PLCB1: variants seen among roughly 807,000 people sequenced by gnomAD.
PLCB1 encodes the protein 1-phosphatidylinositol 4,5-bisphosphate phosphodiesterase beta-1.
Under a neutral mutation model 161.8 loss-of-function variants are expected in PLCB1, and 46 were observed. That is an observed-to-expected ratio of 0.28 (90% CI 0.22 to 0.36). The LOEUF is 0.36. Ranked by LOEUF, PLCB1 falls within the 10% of genes least tolerant of loss-of-function variation. The pLI is 1.00. For missense variants in PLCB1, 1,016 were observed against 1,472.5 expected (o/e 0.69, Z 5.07); for synonymous variants, 517 against 503.7 (o/e 1.03, Z -0.35).
intron 3 of PLCB1, among the ~76,000 whole-genome samples, chr20:8,505,697 A>G (rs1020733025): frequency 6.6e-6 from 1 of 152,238 alleles, no homozygotes; most frequent in African/African-American, 2.4e-5. Flanking sequence ...CTCTTCTCCA[A>G]CAGGCCATTA....
intron 3 of PLCB1, among the ~76,000 whole-genome samples, chr20:8,593,993 T>G (rs1478324389): frequency 6.6e-6 from 1 of 152,132 alleles, no homozygotes; most frequent in Admixed American, 6.5e-5. Flanking sequence ...CAAGTGATCC[T>G]CCACCCTCAG....
chr20:8,814,129 C>T (rs1466946362), intron 31 of PLCB1, among the ~76,000 whole-genome samples: 2 of 152,156 alleles, frequency 1.3e-5, no homozygotes, highest in African/African-American at 2.4e-5. Context: ...TTATCATGAT[C>T]ATTCGTATAT....
rs933601047 is a variant in PLCB1 at position 8,701,081 on chromosome 20, CAT to C, written c.1167+3300_1167+3301del. Among the ~76,000 whole-genome samples, 20 of 152,322 alleles carry C rather than the reference CAT, an allele frequency of 1.3e-4. No individual in the cohort carries two copies. In the East Asian group the frequency reaches 2.5e-3, roughly 19 times the overall value. ...AGTGAGTGTCTCTTTAAATTTTGCA[CAT>C]AGTCGCCTCTCTTGCCTCATCCTAG... On this transcript the variant is annotated intron_variant, in intron 11 of 31. Coordinates refer to ENST00000338037, the MANE Select transcript of PLCB1 (RefSeq NM_015192.4).
At chr20:8,596,652 G>A (rs1312137254) in intron 3 of PLCB1, among the ~76,000 whole-genome samples, 2 of 116,162 alleles carry the variant, frequency 1.7e-5, no homozygotes, top group African/African-American at 6.8e-5. Flanking sequence ...GTCATTGGTA[G>A]CTTTATGGGG....
At chr20:8,668,674 T>C (rs1019796922) in intron 9 of PLCB1, among the ~76,000 whole-genome samples, 4 of 152,140 alleles carry the variant, frequency 2.6e-5, no homozygotes, top group African/African-American at 9.7e-5. Flanking sequence ...ACCACAGCCA[T>C]TGTTGGAGGA....
intron 3 of PLCB1, among the ~76,000 whole-genome samples, chr20:8,470,024 C>T (rs1752125050): frequency 1.3e-5 from 2 of 152,172 alleles, no homozygotes; most frequent in African/African-American, 4.8e-5. Context: ...AATGGAATCA[C>T]AAAATATGTG....
At chr20:8,686,012 A>C (rs976389458) in intron 10 of PLCB1, among the ~76,000 whole-genome samples, 6 of 152,220 alleles carry the variant, frequency 3.9e-5, no homozygotes, top group African/African-American at 1.4e-4. Flanking sequence ...AAATATTTTT[A>C]TAAAATGTTA....
chr20:8,446,173 A>G (rs941919747), intron 3 of PLCB1, among the ~76,000 whole-genome samples: 2 of 152,330 alleles, frequency 1.3e-5, no homozygotes, highest in African/African-American at 4.8e-5. Flanking sequence ...AATGCTGGCA[A>G]ACCGAATCCA....
intron 2 of PLCB1, among the ~76,000 whole-genome samples, chr20:8,205,109 G>GA (rs1227443802): frequency 6.6e-6 from 1 of 151,898 alleles, no homozygotes; most frequent in Admixed American, 6.6e-5. Flanking sequence ...AAGACAGAGT[G>GA]AAAAAAACAT....
chr20:8,796,652 A>G (rs1984039884), intron 31 of PLCB1, among the ~76,000 whole-genome samples: 1 of 152,196 alleles, frequency 6.6e-6, no homozygotes, highest in Admixed American at 6.5e-5. Flanking sequence ...TTGTCAATAT[A>G]AAGAATTGCC....
At chr20:8,605,433 T>C (rs1270026337) in intron 3 of PLCB1, among the ~76,000 whole-genome samples, 1 of 152,096 alleles carries the variant, frequency 6.6e-6, no homozygotes, top group African/African-American at 2.4e-5. Context: ...CATTTTTCTT[T>C]AAAATATAAC....
chr20:8,629,825 C>CTTTTCTT (rs11087813), intron 4 of PLCB1, among the ~76,000 whole-genome samples: 1 of 71,770 alleles, frequency 1.4e-5, no homozygotes, highest in African/African-American at 5.6e-5. Flanking sequence ...TCTTTTCTTT[C>CTTTTCTT]TTTCTTTCTT....
chr20:8,733,391 A>G lies in PLCB1; in HGVS notation c.2042A>G (p.Lys681Arg), dbSNP rs776660417. Residue 681 changes from lysine (K) to arginine (R), a missense_variant and splice_region_variant, in exon 19 of 32, where the codon AAG becomes AGG. Around this residue, in one of 10 missense-constraint regions of PLCB1, gnomAD observed 67 missense variants for 195.6 expected, o/e 0.34. Transcript: ENST00000338037. Reference protein sequence around the residue: ...DGIVANTLSVKIISGQFLSDK... With the variant: ...DGIVANTLSVRIISGQFLSDK... The stretch of plus-strand genomic sequence containing the variant: ...ATAGTGGCAAACACTTTGTCTGTTA[A>G]GGTAGGTATACCCCATCACAAAATT... The G allele has an allele frequency of 3.1e-6, 5 of 1,613,544 alleles. No individual in the cohort carries two copies. In the South Asian group the frequency reaches 5.5e-5, roughly 18 times the overall value.
chr20:8,844,489 A>G (rs1986618682), intron 31 of PLCB1, among the ~76,000 whole-genome samples: 1 of 152,010 alleles, frequency 6.6e-6, no homozygotes, highest in Non-Finnish European at 1.5e-5. Context: ...AGGCTGAGCC[A>G]GGAGGATCAC....
chr20:8,529,903 A>T (rs558452597), intron 3 of PLCB1, among the ~76,000 whole-genome samples: 1 of 152,102 alleles, frequency 6.6e-6, no homozygotes, highest in Non-Finnish European at 1.5e-5. Context: ...TTTGCATTGT[A>T]TGCTATGAGT....
At chr20:8,557,410 C>T (rs1985999803) in intron 3 of PLCB1, among the ~76,000 whole-genome samples, 1 of 152,012 alleles carries the variant, frequency 6.6e-6, no homozygotes, top group African/African-American at 2.4e-5. Flanking sequence ...ATGGATAAAT[C>T]TTGAAGACAT....
intron 2 of PLCB1, among the ~76,000 whole-genome samples, chr20:8,259,971 T>G (rs999283411): frequency 2.6e-5 from 4 of 152,106 alleles, no homozygotes; most frequent in African/African-American, 9.7e-5. Context: ...AAAAAAGGAG[T>G]GTCACAAGAA....
In PLCB1 at chr20:8,310,841, T is replaced by C. The variant is rs113563458; in HGVS notation, c.178-60541T>C. Among the ~76,000 whole-genome samples, 870 of 152,292 alleles carry C rather than the reference T, an allele frequency of 5.7e-3. 7 individuals carry two copies. The highest frequency in any genetic ancestry group is 0.019 in the African/African-American group (795 of 41,554). ...TGATATTGGTTTTCTGGCTTTGTGT[T>C]AATTTGCTTAGGATTAAGGCCTCTA... On this transcript the variant is annotated intron_variant, in intron 2 of 31. Coordinates refer to ENST00000338037, the MANE Select transcript of PLCB1 (RefSeq NM_015192.4).
At position 8,768,923 on chromosome 20, in the gene PLCB1, T is replaced by G. The variant is rs557100400; in HGVS notation, c.2930+3565T>G. ...ATGTTAGGAGATTTCTCTTCTAAAT[T>G]TAGATTCCTGAAATTTCTTTGAATA... On this transcript the variant is annotated intron_variant, in intron 26 of 31. Coordinates refer to ENST00000338037, the MANE Select transcript of PLCB1 (RefSeq NM_015192.4). Among the ~76,000 whole-genome samples the G allele has an allele frequency of 2.0e-5, 3 of 152,360 alleles. No individual in the cohort carries two copies. In the South Asian group the frequency reaches 6.2e-4, roughly 32 times the overall value.
Sources: allele counts gnomAD v4.1 joint callset (sites outside exome capture counted in the v4.1 genomes callset), GRCh38; gene constraint gnomAD v4.1.1; regional missense constraint gnomAD v4.1.1; transcripts MANE v1.5; gene names NCBI Gene and HGNC (gene_info 2026-07-23, HGNC 2026-07-21).